Variants in MAPKAPK5 observed in about 807,000 individuals in gnomAD.
The protein encoded by MAPKAPK5 is MAP kinase-activated protein kinase 5.
MAPKAPK5 carries 30 observed loss-of-function variants against 65.1 expected under a neutral mutation model. That is an observed-to-expected ratio of 0.46 (90% CI 0.34 to 0.63). The LOEUF is 0.63. Among genes scored for constraint, MAPKAPK5 ranks in the 20% least tolerant of loss-of-function variants. MAPKAPK5 has a pLI of 0.01. For synonymous variants in MAPKAPK5, 179 were observed against 204.6 expected (o/e 0.87, Z 1.07); for missense variants, 433 against 581.4 (o/e 0.74, Z 2.63).
chr12:111,882,040 C>G (rs2070250119), intron 8 of MAPKAPK5, among the ~76,000 whole-genome samples: 1 of 152,180 alleles, frequency 6.6e-6, no homozygotes, highest in Non-Finnish European at 1.5e-5. Flanking sequence ...TGATTCTGTT[C>G]TACAGCATGG....
In MAPKAPK5 at chr12:111,847,975, G is replaced by T. The variant is rs897637545; in HGVS notation, c.36+5206G>T. Among the ~76,000 whole-genome samples, 8 of 152,268 alleles carry T rather than the reference G, an allele frequency of 5.3e-5. 1 individual carries two copies. In the South Asian group the frequency reaches 1.5e-3, roughly 28 times the overall value. ...TTTTTATTGAGCAGTAGTCTTTATT[G>T]CTTATCCATTCTCAGTTATAGGACA... On this transcript the variant is annotated intron_variant, in intron 1 of 13. Transcript: ENST00000550735.
intron 10 of MAPKAPK5, 112 bp from the exon 11 acceptor site, chr12:111,888,376 A>G: frequency 7.1e-7 from 1 of 1,400,702 alleles, no homozygotes; most frequent in Non-Finnish European, 9.7e-7. Flanking sequence ...CTTCAGCATA[A>G]GAGTGAAATT....
intron 1 of MAPKAPK5, among the ~76,000 whole-genome samples, chr12:111,847,323 G>C (rs887492330): frequency 6.8e-6 from 1 of 148,084 alleles, no homozygotes; most frequent in African/African-American, 2.5e-5. Flanking sequence ...ACTCCAGCCT[G>C]GGCGACAGGG....
At position 111,900,676 on chromosome 12, in the gene MAPKAPK5, A is replaced by G; in HGVS notation, c.*7615A>G. The stretch of plus-strand genomic sequence containing the variant: ...AACTGTATACTGAAGGCGAAAGCAG[A>G]GTGCAGTGATGGTCCATGTTGTCAT... On this transcript the variant is annotated 3_prime_UTR_variant, in exon 14 of 14. Transcript: ENST00000550735. 2 of 456,134 alleles carry G rather than the reference A, an allele frequency of 4.4e-6. No individual in the cohort carries two copies. Among genetic ancestry groups the G allele is most frequent in the Non-Finnish European group, 8.8e-6 (2 of 226,808 alleles). 28.3% of individuals were successfully genotyped at this position (456,134 alleles called of 1,614,324 possible). A position where few individuals can be genotyped will look rare whatever the true frequency, so the allele number is the denominator to read the frequency against.
intron 13 of MAPKAPK5, among the ~76,000 whole-genome samples, chr12:111,891,322 G>A (rs1296489807): frequency 6.7e-6 from 1 of 149,142 alleles, no homozygotes; most frequent in African/African-American, 2.5e-5. Context: ...GGCTCGTCTC[G>A]AACTCCTGAC....
At chr12:111,865,834 CAAA>C (rs1157723498) in intron 2 of MAPKAPK5, among the ~76,000 whole-genome samples, 5 of 57,418 alleles carry the variant, frequency 8.7e-5, no homozygotes, top group Admixed American at 1.7e-4. Context: ...GATTCTGTCT[CAAA>C]AAAAAAAAAA....
chr12:111,866,546 A>G (rs888380075), intron 3 of MAPKAPK5, among the ~76,000 whole-genome samples: 9 of 152,228 alleles, frequency 5.9e-5, no homozygotes, highest in African/African-American at 1.9e-4. Flanking sequence ...AAAATAGCAC[A>G]AGGAAGAGTC....
Position 111,842,565 on chromosome 12 carries a change from A to C in MAPKAPK5, c.-169A>C. On this transcript the variant is annotated 5_prime_UTR_variant, in exon 1 of 14. Coordinates refer to ENST00000550735, the MANE Select transcript of MAPKAPK5 (RefSeq NM_003668.4). ...CCGCCAGCCTAGAGCCGCCCGCCGA[A>C]GCAGAGCCGGCGCCGGGGTCCTCAT... 2.6e-6 allele frequency: 1 copy of C among 382,526 alleles called. No homozygotes were observed. The highest frequency in any genetic ancestry group is 1.2e-4 in the South Asian group (1 of 8,692). The allele number at this position is 382,526 out of a possible 1,614,324, so 23.7% of individuals were successfully genotyped here. A position where few individuals can be genotyped will look rare whatever the true frequency, so the allele number is the denominator to read the frequency against.
chr12:111,846,271 C>T (rs1166304148), intron 1 of MAPKAPK5, among the ~76,000 whole-genome samples: 2 of 152,162 alleles, frequency 1.3e-5, no homozygotes, highest in East Asian at 3.9e-4. Context: ...ATGGTGAGCA[C>T]TGAGACAAAC....
rs1225469614 is a variant in MAPKAPK5 at position 111,899,742 on chromosome 12, G to C, written c.*6681G>C. ...AGGAGTGTCAGGTTCTTTTGTTTCT[G>C]TCAACATCTGTGCAGGTCTCAGGGG... On this transcript the variant is annotated 3_prime_UTR_variant, in exon 14 of 14. Coordinates refer to ENST00000550735, the MANE Select transcript of MAPKAPK5 (RefSeq NM_003668.4). 2 of 336,524 alleles carry C rather than the reference G, an allele frequency of 5.9e-6. No individual in the cohort carries two copies. Among genetic ancestry groups the C allele is most frequent in the Admixed American group, 7.5e-5 (2 of 26,698 alleles). The allele number at this position is 336,524 out of a possible 1,614,324, so 20.8% of individuals were successfully genotyped here.
rs1362427331 is a variant in MAPKAPK5, at chr12:111,895,866, A to G, written c.*2805A>G. The stretch of plus-strand genomic sequence containing the variant: ...ATGATGGCAAAATCTCACCGGCAAC[A>G]GAAGAAAAACCAATGTTTTTAAATT... On this transcript the variant is annotated 3_prime_UTR_variant, in exon 14 of 14. Transcript: ENST00000550735. 6.6e-6 allele frequency: 1 copy of G among 152,214 alleles called. No individual in the cohort carries two copies. Among genetic ancestry groups the G allele is most frequent in the East Asian group, 1.9e-4 (1 of 5,194 alleles). The allele number at this position is 152,214 out of a possible 1,614,324, so 9.4% of individuals were successfully genotyped here. A position where few individuals can be genotyped will look rare whatever the true frequency, so the allele number is the denominator to read the frequency against.
chr12:111,887,414 G>A (rs1036161945), intron 10 of MAPKAPK5, among the ~76,000 whole-genome samples: 1 of 152,212 alleles, frequency 6.6e-6, no homozygotes, highest in African/African-American at 2.4e-5. Flanking sequence ...GCTTACGCCT[G>A]TAATCCCAGC....
chr12:111,861,501 T>A (rs893221942), intron 1 of MAPKAPK5, among the ~76,000 whole-genome samples: 6 of 151,982 alleles, frequency 3.9e-5, no homozygotes, highest in African/African-American at 1.4e-4. Flanking sequence ...CTAATTTTTT[T>A]ATTTTTAGTA....
chr12:111,879,436 C>T (rs2070114146), intron 7 of MAPKAPK5: 1 of 142,054 alleles, frequency 7.0e-6, no homozygotes, highest in African/African-American at 2.7e-5. Context: ...GTTGCCCAGG[C>T]TAGAGTGCAG....
rs577817887 is a variant in MAPKAPK5 at position 111,886,169 on chromosome 12, C to T, written c.969+133C>T. ...CTTCCCAGAGAAACATCTCTGGTTT[C>T]CTGAGAGTCAGGATCCAAAATAAGG... On this transcript the variant is annotated intron_variant, in intron 10 of 13. Transcript: ENST00000550735. The T allele has an allele frequency of 1.2e-3, 1,558 of 1,327,960 alleles. 3 individuals are homozygous for T. The highest frequency in any genetic ancestry group is 1.4e-3 in the Non-Finnish European group (1,387 of 965,144). 82.3% of individuals were successfully genotyped at this position (1,327,960 alleles called of 1,614,324 possible). A position where few individuals can be genotyped will look rare whatever the true frequency, so the allele number is the denominator to read the frequency against.
intron 1 of MAPKAPK5, among the ~76,000 whole-genome samples, chr12:111,857,747 A>G (rs1486529057): frequency 6.6e-6 from 1 of 151,984 alleles, no homozygotes. Context: ...TTTTTTCAGT[A>G]CTTTCATTAT....
chr12:111,868,767 T>C lies in MAPKAPK5; in HGVS notation c.299T>C (p.Ile100Thr). ...CTTTCAAACAGGGCCCGACTCTTAA[T>C]TGTAATGGAGATGATGGAAGGGGGA... is the stretch of plus-strand genomic sequence containing the variant. ...HESSPRARLL[I>T]VMEMMEGGEL... The change falls in exon 5 of 14, where the codon ATT becomes ACT. Residue 100 changes from isoleucine (I) to threonine (T), a missense_variant. Transcript: ENST00000550735. 5 of 1,561,024 alleles carry C rather than the reference T, an allele frequency of 3.2e-6. No homozygotes were observed. Among genetic ancestry groups the C allele is most frequent in the Non-Finnish European group, 4.3e-6 (5 of 1,152,538 alleles).
chr12:111,901,652 G>A lies in MAPKAPK5; in HGVS notation c.*8591G>A. 5.4e-5 allele frequency: 13 copies of A among 240,946 alleles called. No individual in the cohort carries two copies. The highest frequency in any genetic ancestry group is 9.2e-5 in the Non-Finnish European group (11 of 119,824). 14.9% of individuals were successfully genotyped at this position (240,946 alleles called of 1,614,324 possible). Reference sequence around the variant, plus strand: ...CACAGAAGAAAAAGAAGAGAAGGAGGAAGAAAAAGAAGAGGAGGAGGAGGA... The same window carrying A: ...CACAGAAGAAAAAGAAGAGAAGGAGAAAGAAAAAGAAGAGGAGGAGGAGGA... On this transcript the variant is annotated 3_prime_UTR_variant, in exon 14 of 14. Coordinates refer to ENST00000550735, the MANE Select transcript of MAPKAPK5 (RefSeq NM_003668.4).
rs757680525 is a variant in MAPKAPK5 at position 111,866,159 on chromosome 12, CTG to C, written c.118_119del (p.Val40LysfsTer15). ...GATTTTTTTTCTCCAAATCTAGAGT[CTG>C]TGTAAAGAAATCTACTCAAGAACGG... ...GAGISGPVRV[C>X]VKKSTQERFA... On this transcript the variant is annotated frameshift_variant, in exon 3 of 14. Coordinates refer to ENST00000550735, the MANE Select transcript of MAPKAPK5 (RefSeq NM_003668.4). LOFTEE classifies it high-confidence loss of function. The C allele has an allele frequency of 6.2e-7, 1 of 1,604,330 alleles. No homozygotes were observed. Among genetic ancestry groups the C allele is most frequent in the African/African-American group, 1.3e-5 (1 of 74,682 alleles).
Sources: gnomAD v4.1 joint callset for allele counts (sites outside exome capture counted in the v4.1 genomes callset) on GRCh38, gnomAD v4.1.1 for gene constraint, MANE v1.5 for transcripts, NCBI Gene and HGNC (gene_info 2026-07-23, HGNC 2026-07-21) for gene names.